The following SBNO1 variants were observed in gnomAD, a reference collection of about 807,000 sequenced individuals.
SBNO1 encodes strawberry notch homolog 1.
A neutral mutation model predicts 173.6 loss-of-function variants in SBNO1; 23 were observed. The observed-to-expected ratio is 0.13, with a 90% CI of 0.10 to 0.19. SBNO1 has a LOEUF of 0.19. SBNO1 is among the 10% of genes least tolerant of loss of function. The probability of loss-of-function intolerance (pLI) is 1.00; values close to 1 mark genes in which losing one functional copy is unlikely to be tolerated. For missense variants in SBNO1, 1,238 were observed against 1,671.2 expected, an observed-to-expected ratio of 0.74 and a Z score of 4.52; for synonymous variants, 632 against 571.5, an observed-to-expected ratio of 1.11 and a Z score of -1.51.
At chr12:123,339,247 C>T (rs1486543994) in intron 5 of SBNO1, among the ~76,000 whole-genome samples, 4 of 152,148 alleles carry the variant, frequency 2.6e-5, no homozygotes, top group Admixed American at 2.0e-4. Context: ...CTTTTGGTAT[C>T]GTTATGTACA....
chr12:123,317,961 T>A (rs891021266), intron 20 of SBNO1, among the ~76,000 whole-genome samples: 3 of 152,194 alleles, frequency 2.0e-5, no homozygotes, highest in Non-Finnish European at 2.9e-5. Flanking sequence ...CATTATCTTT[T>A]TGTATATATA....
intron 1 of SBNO1, among the ~76,000 whole-genome samples, chr12:123,351,230 A>G (rs184254477): frequency 1.6e-4 from 24 of 152,318 alleles, no homozygotes; most frequent in African/African-American, 5.1e-4. Context: ...AGGTGAAGGT[A>G]TCACCTACAG....
At chr12:123,345,652 C>T in intron 3 of SBNO1, 82 bp from the exon 4 acceptor site, 1 of 1,139,684 alleles carries the variant, frequency 8.8e-7, no homozygotes, top group Non-Finnish European at 1.2e-6. Flanking sequence ...GGAAGGACAA[C>T]TAAAAATCTA....
At chr12:123,318,765 A>T (rs1869605061) in intron 20 of SBNO1, among the ~76,000 whole-genome samples, 1 of 150,188 alleles carries the variant, frequency 6.7e-6, no homozygotes, top group African/African-American at 2.4e-5. Context: ...GAGTCTCTGG[A>T]GGCACCCAAA....
intron 31 of SBNO1, among the ~76,000 whole-genome samples, chr12:123,297,399 C>CAAAAAAAAAAAAAAAAA (rs2048640328): frequency 6.6e-5 from 1 of 15,104 alleles, no homozygotes; most frequent in African/African-American, 1.3e-4. Context: ...ATACTGGTGT[C>CAAAAAAAAAAAAAAAAA]CAAAAAAAAA....
At chr12:123,316,712 T>C (rs1308316800) in intron 21 of SBNO1, among the ~76,000 whole-genome samples, 1 of 149,834 alleles carries the variant, frequency 6.7e-6, no homozygotes, top group African/African-American at 2.4e-5. Flanking sequence ...TCTTTTTTTT[T>C]TTTTTTTTGA....
At chr12:123,311,748 A>ATTTTTTTTTTTT (rs148426880) in intron 24 of SBNO1, among the ~76,000 whole-genome samples, 1 of 134,372 alleles carries the variant, frequency 7.4e-6, no homozygotes, top group African/African-American at 2.9e-5. Context: ...ATATATATAT[A>ATTTTTTTTTTTT]TTTTTGCGAC....
chr12:123,299,197 T>C (rs1050176054), intron 30 of SBNO1, among the ~76,000 whole-genome samples: 3 of 152,022 alleles, frequency 2.0e-5, no homozygotes, highest in Non-Finnish European at 4.4e-5. Context: ...TGAAACCCTG[T>C]CTCTATTAAA....
chr12:123,327,293 C>T (rs928934680), intron 13 of SBNO1, 133 bp downstream of exon 13: 20 of 753,424 alleles, frequency 2.7e-5, no homozygotes, highest in East Asian at 1.6e-4. Context: ...CATGAGACAC[C>T]GTGCCTGGCT....
chr12:123,291,879 CAAA>C lies in SBNO1; in HGVS notation c.*4026_*4028del, dbSNP rs2048518091. On this transcript the variant is annotated 3_prime_UTR_variant, in exon 32 of 32. Transcript: ENST00000602398. ...TATGTACATATATATAAATACAGCA[CAAA>C]ATTAGAGGGTGGGTTTTGGATTTTA... The C allele has an allele frequency of 6.6e-6, 1 of 151,396 alleles. No homozygotes were observed. Among genetic ancestry groups the C allele is most frequent in the Non-Finnish European group, 1.5e-5 (1 of 67,898 alleles). 9.4% of individuals were successfully genotyped at this position (151,396 alleles called of 1,614,324 possible). A position where few individuals can be genotyped will look rare whatever the true frequency, so the allele number is the denominator to read the frequency against.
At chr12:123,361,273 G>A (rs983698506) in intron 1 of SBNO1, among the ~76,000 whole-genome samples, 1 of 151,336 alleles carries the variant, frequency 6.6e-6, no homozygotes, top group African/African-American at 2.4e-5. Flanking sequence ...AGAAGGCTGG[G>A]CATGGTGGCT....
chr12:123,327,311 T>G (rs781504900), intron 13 of SBNO1, 115 bp downstream of exon 13: 1 of 881,362 alleles, frequency 1.1e-6, no homozygotes, highest in Middle Eastern at 3.5e-4. Flanking sequence ...GCTTCATCTG[T>G]TGTTTTATAG....
chr12:123,347,830 C>A (rs967949786), intron 3 of SBNO1, among the ~76,000 whole-genome samples, 199 bp downstream of exon 3: 1 of 152,114 alleles, frequency 6.6e-6, no homozygotes, highest in Admixed American at 6.5e-5. Flanking sequence ...CCACTGTGCC[C>A]AGCCCATTTC....
intron 17 of SBNO1, 91 bp from the exon 18 acceptor site, chr12:123,320,957 G>T: frequency 9.0e-7 from 1 of 1,113,014 alleles, no homozygotes; most frequent in Non-Finnish European, 1.3e-6. Flanking sequence ...TTATTTTTTT[G>T]AGACAATGTT....
chr12:123,327,700 G>T lies in SBNO1; in HGVS notation c.1538+7C>A. On this transcript the variant is annotated splice_region_variant and intron_variant, in intron 12 of 31. Transcript: ENST00000602398. ...CTGAGAAGAGTATATACCGTAAACT[G>T]CATTACCTCCGTTCTACTGCTTGAA... 4 of 1,604,156 alleles carry T rather than the reference G, an allele frequency of 2.5e-6. No homozygotes were observed. The highest frequency in any genetic ancestry group is 3.4e-6 in the Non-Finnish European group (4 of 1,171,282).
intron 7 of SBNO1, among the ~76,000 whole-genome samples, chr12:123,332,624 T>C (rs1306488608): frequency 6.6e-6 from 1 of 152,048 alleles, no homozygotes; most frequent in Non-Finnish European, 1.5e-5. Flanking sequence ...TGGAGTGCAG[T>C]GGCACAATCT....
chr12:123,329,050 T>C (rs1017515432), intron 9 of SBNO1, among the ~76,000 whole-genome samples, 155 bp from the exon 10 acceptor site: 1 of 152,158 alleles, frequency 6.6e-6, no homozygotes, highest in Non-Finnish European at 1.5e-5. Context: ...TTTGTATAAA[T>C]GTACACAACA....
chr12:123,337,704 T>C (rs767275884), intron 5 of SBNO1, among the ~76,000 whole-genome samples: 14 of 152,138 alleles, frequency 9.2e-5, no homozygotes, highest in South Asian at 2.1e-4. Flanking sequence ...AATGAATAGA[T>C]TTGAATCCCA....
chr12:123,335,915 A>G (rs1424998197), intron 6 of SBNO1, among the ~76,000 whole-genome samples: 1 of 152,242 alleles, frequency 6.6e-6, no homozygotes, highest in African/African-American at 2.4e-5. Flanking sequence ...ATTGTAGTTC[A>G]ATTCAAATGG....
Sources: allele counts gnomAD v4.1 joint callset (sites outside exome capture counted in the v4.1 genomes callset), GRCh38; gene constraint gnomAD v4.1.1; transcripts MANE v1.5; gene names NCBI Gene and HGNC (gene_info 2026-07-23, HGNC 2026-07-21).